Variants in PSG9 observed in about 807,000 individuals in gnomAD.
PSG9 encodes the protein pregnancy specific beta-1-glycoprotein 9.
Under a neutral mutation model 41.9 loss-of-function variants are expected in PSG9, and 49 were observed. The ratio of observed to expected loss-of-function variants is 1.17; its 90% CI spans 0.93 to 1.48. The LOEUF (loss-of-function observed/expected upper bound fraction) is 1.48, where lower values mean the gene tolerates loss of function less well. Ranked by LOEUF, PSG9 falls within the 40% of genes most tolerant of loss-of-function variation. The pLI, the probability that PSG9 is intolerant of heterozygous loss-of-function variation, is 0.00. For synonymous variants in PSG9, 263 were observed against 196.8 expected, an observed-to-expected ratio of 1.34 and a Z score of -2.82; for missense variants, 641 against 520.3, an observed-to-expected ratio of 1.23 and a Z score of -2.26.
At chr19:43,256,371 G>A (rs928555386) in intron 5 of PSG9, among the ~76,000 whole-genome samples, 2 of 146,698 alleles carry the variant, frequency 1.4e-5, no homozygotes, top group African/African-American at 5.2e-5. Flanking sequence ...GCTTTTATAT[G>A]TCGAAGAACA....
At chr19:43,268,414 C>G (rs559097314) in intron 1 of PSG9, among the ~76,000 whole-genome samples, 39 of 152,250 alleles carry the variant, frequency 2.6e-4, no homozygotes, top group African/African-American at 8.9e-4. Flanking sequence ...TGTTTGGAAT[C>G]CTCTTCCCCA....
At chr19:43,262,166 C>T (rs373877219) in intron 2 of PSG9, 28 bp from the exon 3 acceptor site, 49 of 1,601,542 alleles carry the variant, frequency 3.1e-5, no homozygotes, top group Admixed American at 6.8e-5. Flanking sequence ...AGAAGATTGC[C>T]CTGTGTGGCA....
chr19:43,261,955 A>G lies in PSG9; in HGVS notation c.614T>C (p.Phe205Ser). 8 of 1,614,058 alleles carry G rather than the reference A, an allele frequency of 5.0e-6. No homozygotes were observed. Among genetic ancestry groups the G allele is most frequent in the Middle Eastern group, 3.3e-4 (2 of 6,058 alleles). Residue 205 changes from phenylalanine to serine, a missense_variant, in exon 3 of 6, where the codon TTT becomes TCT. Physicochemically the swap from Phe to Ser is radical, Grantham distance 155 (BLOSUM62 -2). Coordinates refer to ENST00000270077, the MANE Select transcript of PSG9 (RefSeq NM_002784.5). ...TCCTGCAATATACTTTGTGACACCA[A>G]ATAGATAGAGGGTCCTGTTGGTTTT... ...LSKTNRTLYLFGVTKYIAGPY... is the reference protein window; with the variant it reads ...LSKTNRTLYLSGVTKYIAGPY...
chr19:43,259,233 A>C, intron 3 of PSG9, 98 bp from the exon 4 acceptor site: 1 of 1,507,134 alleles, frequency 6.6e-7, no homozygotes, highest in South Asian at 1.3e-5. Flanking sequence ...CTCTCAGCCC[A>C]CCCGAGTCCT....
chr19:43,262,097 G>A lies in PSG9; in HGVS notation c.472C>T (p.Pro158Ser). ...KPYISSSNLNPREAMEAVRLI... is the reference protein window; with the variant it reads ...KPYISSSNLNSREAMEAVRLI... ...CGCACAGCCTCCATGGCCTCCCTGGGGTTTAAGTTGCTGCTGGAGATGTAG... is the reference window on the plus strand; with the variant it reads ...CGCACAGCCTCCATGGCCTCCCTGGAGTTTAAGTTGCTGCTGGAGATGTAG... The change falls in exon 3 of 6, where the codon CCC becomes TCC. Residue 158 changes from proline (P) to serine (S), a missense_variant. Physicochemically the swap from Pro to Ser is moderately conservative, Grantham distance 74. Coordinates refer to ENST00000270077, the MANE Select transcript of PSG9 (RefSeq NM_002784.5). 1 of 1,613,858 alleles carries A rather than the reference G, an allele frequency of 6.2e-7. No individual in the cohort carries two copies. The highest frequency in any genetic ancestry group is 8.5e-7 in the Non-Finnish European group (1 of 1,179,848).
At position 43,267,996 on chromosome 19, in the gene PSG9, G is replaced by A. The variant is rs139507205; in HGVS notation, c.218C>T (p.Thr73Met). 2.2e-4 allele frequency: 347 copies of A among 1,613,770 alleles called. 1 individual carries two copies. Among genetic ancestry groups the A allele is most frequent in the Admixed American group, 2.5e-4 (15 of 59,992 alleles). ...CGATATAATGTAATGGTAGAGGTCC[G>A]TCATTTCCCCTTTGTACCAGAAGTA... ...PGYFWYKGEMTDLYHYIISYI... is the reference protein window; with the variant it reads ...PGYFWYKGEMMDLYHYIISYI... Residue 73 changes from threonine (T) to methionine (M), a missense_variant, in exon 2 of 6, where the codon ACG becomes ATG. Transcript: ENST00000270077.
At chr19:43,254,733 T>A (rs563524260) in intron 5 of PSG9, among the ~76,000 whole-genome samples, 4 of 145,502 alleles carry the variant, frequency 2.7e-5, no homozygotes, top group Non-Finnish European at 6.0e-5. Context: ...TCAACAAAAT[T>A]GACAACCATT....
chr19:43,268,291 A>G, intron 1 of PSG9, 142 bp from the exon 2 acceptor site: 1 of 1,312,926 alleles, frequency 7.6e-7, no homozygotes, highest in South Asian at 1.5e-5. Flanking sequence ...CACACACAAA[A>G]AACGGGCATG....
intron 4 of PSG9, 40 bp downstream of exon 4, chr19:43,258,817 A>G: frequency 6.3e-7 from 1 of 1,581,774 alleles, no homozygotes; most frequent in Non-Finnish European, 8.5e-7. Flanking sequence ...TTTGGACTTA[A>G]GCTGGTGTCC....
chr19:43,257,983 C>A, intron 5 of PSG9: 2 of 1,475,238 alleles, frequency 1.4e-6, no homozygotes, highest in Non-Finnish European at 1.8e-6. Context: ...CCCCTCCCTA[C>A]CTTTTTCAGG....
rs182533757 is a variant in PSG9 at position 43,264,220 on chromosome 19, T to C, written c.431-2082A>G. On this transcript the variant is annotated intron_variant, in intron 2 of 5. Transcript: ENST00000270077. ...CCAAAAACCACCAGTATTCCCATTA[T>C]GTGTATGTTACAGCCTTTGTAGTTG... is the stretch of plus-strand genomic sequence containing the variant. 3.3e-3 allele frequency among the ~76,000 whole-genome samples: 510 copies of C among 152,246 alleles called. 8 individuals carry two copies. Among genetic ancestry groups the C allele is most frequent in the African/African-American group, 0.012 (491 of 41,556 alleles).
At chr19:43,268,332 C>G (rs62115910) in intron 1 of PSG9, among the ~76,000 whole-genome samples, 183 bp from the exon 2 acceptor site, 7,751 of 152,078 alleles carry the variant, frequency 0.051, 306 homozygotes, top group Middle Eastern at 0.082. Context: ...TGTGTGTGTC[C>G]TACTGTCCTA....
intron 1 of PSG9, among the ~76,000 whole-genome samples, 171 bp downstream of exon 1, chr19:43,269,197 G>A (rs1460938027): frequency 2.0e-5 from 3 of 151,796 alleles, no homozygotes; most frequent in Non-Finnish European, 4.4e-5. Flanking sequence ...GGAGAGACTG[G>A]GCTTCACTGC....
At position 43,268,029 on chromosome 19, in the gene PSG9, A is replaced by T; in HGVS notation, c.185T>A (p.Leu62His). Residue 62 changes from leucine to histidine, a missense_variant, in exon 2 of 6, where the codon CTT (leucine) becomes CAT (histidine). Leu to His is a moderately conservative substitution (Grantham distance 99, BLOSUM62 -3). Coordinates refer to ENST00000270077, the MANE Select transcript of PSG9 (RefSeq NM_002784.5). Reference protein sequence around the residue: ...LLLVHNLPQNLPGYFWYKGEM... With the variant: ...LLLVHNLPQNHPGYFWYKGEM... ...CCCTTTGTACCAGAAGTAGCCAGGAAGATTCTGGGGCAAATTGTGGACAAG... is the reference window on the plus strand; with the variant it reads ...CCCTTTGTACCAGAAGTAGCCAGGATGATTCTGGGGCAAATTGTGGACAAG... 6.2e-7 allele frequency: 1 copy of T among 1,613,910 alleles called. No homozygotes were observed. Among genetic ancestry groups the T allele is most frequent in the South Asian group, 1.1e-5 (1 of 91,064 alleles).
At position 43,267,903 on chromosome 19, in the gene PSG9, T is replaced by C. The variant is rs753436989; in HGVS notation, c.311A>G (p.Asn104Ser). The C allele has an allele frequency of 1.3e-5, 21 of 1,613,708 alleles. No individual in the cohort carries two copies. In the African/African-American group the frequency reaches 1.6e-4, roughly 12 times the overall value. Residue 104 changes from asparagine (N) to serine (S), a missense_variant, in exon 2 of 6, where the codon AAC (asparagine) becomes AGC (serine). By Grantham distance (46) the Asn-to-Ser change is conservative. Transcript: ENST00000270077. The part of the protein sequence containing the change: ...AYSGRETVYS[N>S]ASLLIQNVTR... The stretch of plus-strand genomic sequence containing the variant: ...GACATTCTGGATCAGCAGGGATGCG[T>C]TGGAATATACTGTTTCTCTTCCACT...
At chr19:43,254,708 T>C (rs1488174963) in intron 5 of PSG9, among the ~76,000 whole-genome samples, 2 of 145,794 alleles carry the variant, frequency 1.4e-5, no homozygotes, top group Admixed American at 6.8e-5. Flanking sequence ...CAAAAGTTGA[T>C]TCTTCAAAAT....
intron 2 of PSG9, among the ~76,000 whole-genome samples, chr19:43,263,830 G>A (rs1436212153): frequency 1.3e-5 from 2 of 152,082 alleles, no homozygotes; most frequent in African/African-American, 2.4e-5. Context: ...GACCGAACTG[G>A]TCAGTGCATC....
rs369519588 is a variant in PSG9 at position 43,269,443 on chromosome 19, C to T, written c.-12G>A. On this transcript the variant is annotated 5_prime_UTR_variant, in exon 1 of 6. Transcript: ENST00000270077. ...GGGAGGGGCCCCATGGTCTCTGCTG[C>T]CTGTGTGTTCTCCTCTGTGGAGATG... is the stretch of plus-strand genomic sequence containing the variant. 71 of 1,613,306 alleles carry T rather than the reference C, an allele frequency of 4.4e-5. No homozygotes were observed. The African/African-American group carries it at 4.9e-4, about 11-fold the overall frequency.
chr19:43,262,356 G>T (rs568288255), intron 2 of PSG9, among the ~76,000 whole-genome samples: 1 of 152,246 alleles, frequency 6.6e-6, no homozygotes, highest in Non-Finnish European at 1.5e-5. Flanking sequence ...ACTTTCTTAA[G>T]TGTGAATTGA....
Sources: gnomAD v4.1 joint callset for allele counts (sites outside exome capture counted in the v4.1 genomes callset) on GRCh38, gnomAD v4.1.1 for gene constraint, MANE v1.5 for transcripts, NCBI Gene and HGNC (gene_info 2026-07-23, HGNC 2026-07-21) for gene names.